UMAD1: variants seen among roughly 807,000 people sequenced by gnomAD.
UMAD1 encodes UBAP1-MVB12-associated (UMA)-domain containing protein 1.
In UMAD1, 8 loss-of-function variants were observed where a neutral mutation model predicts 6.1. That is an observed-to-expected ratio of 1.30 (90% CI 0.76 to 2.35). UMAD1 has a LOEUF of 2.35. Ranked by LOEUF, UMAD1 falls within the 30% of genes most tolerant of loss-of-function variation. UMAD1 has a pLI of 0.00. For missense variants in UMAD1, 130 were observed against 78.4 expected (o/e 1.66, Z -2.49); for synonymous variants, 56 against 31.4 (o/e 1.78, Z -2.61).
At chr7:7,693,021 G>C (rs1780212128) in intron 2 of UMAD1, among the ~76,000 whole-genome samples, 1 of 152,080 alleles carries the variant, frequency 6.6e-6, no homozygotes, top group Admixed American at 6.6e-5. Context: ...TATGATTACA[G>C]GTAATTTAAT....
chr7:7,807,629 TG>T (rs1782944021), intron 3 of UMAD1, among the ~76,000 whole-genome samples: 1 of 152,114 alleles, frequency 6.6e-6, no homozygotes, highest in African/African-American at 2.4e-5. Context: ...AGATCTGGTT[TG>T]GGCATCAAAT....
chr7:7,835,551 G>A (rs915780451), intron 3 of UMAD1, among the ~76,000 whole-genome samples: 6 of 136,138 alleles, frequency 4.4e-5, no homozygotes, highest in African/African-American at 1.4e-4. Flanking sequence ...TCCTTTCTTG[G>A]GAAGTTTATT....
At chr7:7,683,245 A>G (rs916518974) in intron 2 of UMAD1, among the ~76,000 whole-genome samples, 1 of 152,156 alleles carries the variant, frequency 6.6e-6, no homozygotes, top group Non-Finnish European at 1.5e-5. Context: ...CCTTCTGTGC[A>G]TTAGGGGATA....
intron 1 of UMAD1, among the ~76,000 whole-genome samples, chr7:7,672,916 C>T (rs1331939983): frequency 6.6e-6 from 1 of 152,168 alleles, no homozygotes; most frequent in Non-Finnish European, 1.5e-5. Flanking sequence ...TTAAGGTAGT[C>T]ACAACATGAC....
At chr7:7,733,334 A>G (rs1781292728) in intron 2 of UMAD1, among the ~76,000 whole-genome samples, 1 of 152,058 alleles carries the variant, frequency 6.6e-6, no homozygotes, top group South Asian at 2.1e-4. Flanking sequence ...TCACTGATGC[A>G]TTTCCTTTGC....
At chr7:7,804,955 T>G (rs1782881070) in intron 3 of UMAD1, among the ~76,000 whole-genome samples, 1 of 151,544 alleles carries the variant, frequency 6.6e-6, no homozygotes, top group Non-Finnish European at 1.5e-5. Context: ...CACTCCAGCC[T>G]GGGCGACAGA....
chr7:7,802,566 C>G (rs1017039126), intron 3 of UMAD1, among the ~76,000 whole-genome samples: 4 of 152,124 alleles, frequency 2.6e-5, no homozygotes, highest in African/African-American at 9.7e-5. Context: ...TAGAAATATA[C>G]TAACATTATT....
chr7:7,673,273 A>C, intron 1 of UMAD1, 36 bp from the exon 2 acceptor site: 1 of 1,096,114 alleles, frequency 9.1e-7, no homozygotes, highest in Non-Finnish European at 1.3e-6. Flanking sequence ...TTACAGTTGC[A>C]TCTGAATTTG....
At chr7:7,827,294 AAG>A (rs1783366147) in intron 3 of UMAD1, among the ~76,000 whole-genome samples, 1 of 152,036 alleles carries the variant, frequency 6.6e-6, no homozygotes, top group African/African-American at 2.4e-5. Flanking sequence ...TCCAGATACA[AAG>A]AGTAATTGCT....
chr7:7,695,066 G>C (rs1045195512), intron 2 of UMAD1, among the ~76,000 whole-genome samples: 1 of 151,952 alleles, frequency 6.6e-6, no homozygotes, highest in African/African-American at 2.4e-5. Context: ...CCTTTCTTTT[G>C]GATAAAAGCC....
intron 3 of UMAD1, among the ~76,000 whole-genome samples, chr7:7,803,762 C>T (rs1415554228): frequency 6.6e-6 from 1 of 151,764 alleles, no homozygotes; most frequent in East Asian, 1.9e-4. Flanking sequence ...ACTCTAGTCT[C>T]TTCAGCCCCT....
At chr7:7,744,710 A>G (rs1428433196) in intron 2 of UMAD1, among the ~76,000 whole-genome samples, 8 of 150,868 alleles carry the variant, frequency 5.3e-5, no homozygotes, top group African/African-American at 1.7e-4. Context: ...TTGGCCATTT[A>G]TATCTTCACT....
chr7:7,691,049 T>C (rs1365591324), intron 2 of UMAD1, among the ~76,000 whole-genome samples: 1 of 152,186 alleles, frequency 6.6e-6, no homozygotes, highest in African/African-American at 2.4e-5. Flanking sequence ...AAACCTGTAT[T>C]TTTCAATTTG....
At chr7:7,745,740 G>T (rs546014782) in intron 2 of UMAD1, among the ~76,000 whole-genome samples, 1 of 152,300 alleles carries the variant, frequency 6.6e-6, no homozygotes, top group East Asian at 1.9e-4. Context: ...TTACTTCGTG[G>T]TCTGTAAAAA....
chr7:7,819,703 C>G (rs1483514886), intron 3 of UMAD1, among the ~76,000 whole-genome samples: 3 of 152,128 alleles, frequency 2.0e-5, no homozygotes, highest in African/African-American at 7.2e-5. Context: ...ATTTTGTCAC[C>G]AGAATATCTG....
chr7:7,750,481 C>G (rs1230800162), intron 2 of UMAD1, among the ~76,000 whole-genome samples: 1 of 152,162 alleles, frequency 6.6e-6, no homozygotes, highest in Non-Finnish European at 1.5e-5. Flanking sequence ...TAATAAAACT[C>G]CACTCCAATT....
chr7:7,848,206 G>A (rs574069987), intron 3 of UMAD1, among the ~76,000 whole-genome samples: 10 of 152,086 alleles, frequency 6.6e-5, no homozygotes, highest in African/African-American at 2.2e-4. Context: ...TCAAATAACT[G>A]ATTTTAACAG....
intron 2 of UMAD1, among the ~76,000 whole-genome samples, chr7:7,739,392 C>T (rs981216306): frequency 2.0e-5 from 3 of 152,198 alleles, no homozygotes; most frequent in African/African-American, 7.2e-5. Flanking sequence ...CTAACACCTG[C>T]TCTTTTCATG....
At chr7:7,715,265 A>G (rs184456412) in intron 2 of UMAD1, 1 of 152,292 alleles carries the variant, frequency 6.6e-6, no homozygotes, top group East Asian at 1.9e-4. Flanking sequence ...AAGAACTGAA[A>G]AGTTTTCACC....
Sources: allele counts gnomAD v4.1 joint callset (sites outside exome capture counted in the v4.1 genomes callset), GRCh38; gene constraint gnomAD v4.1.1; transcripts MANE v1.5; gene names NCBI Gene and HGNC (gene_info 2026-07-23, HGNC 2026-07-21).